The following PPM1D variants were observed in gnomAD, a reference collection of about 807,000 sequenced individuals.
PPM1D encodes the protein protein phosphatase 1D.
Under a neutral mutation model 58.3 loss-of-function variants are expected in PPM1D, and 52 were observed. The ratio of observed to expected loss-of-function variants is 0.89; its 90% CI spans 0.71 to 1.12. PPM1D has a LOEUF of 1.12. Among genes scored for constraint, PPM1D ranks in the 50% most tolerant of loss-of-function variants. The pLI is 0.00. For synonymous variants in PPM1D, 278 were observed against 285.1 expected (o/e 0.98, Z 0.25); for missense variants, 564 against 777.2 (o/e 0.73, Z 3.26).
At chr17:60,642,021 A>G (rs1399208337) in intron 3 of PPM1D, among the ~76,000 whole-genome samples, 1 of 152,244 alleles carries the variant, frequency 6.6e-6, no homozygotes, top group Admixed American at 6.5e-5. Context: ...GGACCTACAG[A>G]AATGATGTTC....
At chr17:60,650,414 G>C (rs574179134) in intron 4 of PPM1D, among the ~76,000 whole-genome samples, 3 of 152,138 alleles carry the variant, frequency 2.0e-5, no homozygotes, top group African/African-American at 7.2e-5. Flanking sequence ...AGCCAGACGT[G>C]GTGACTCGCA....
intron 1 of PPM1D, among the ~76,000 whole-genome samples, chr17:60,620,513 G>A (rs1486816217): frequency 6.6e-6 from 1 of 151,374 alleles, no homozygotes; most frequent in Non-Finnish European, 1.5e-5. Flanking sequence ...TGCTTTTGTT[G>A]CTGTTTTTTT....
intron 1 of PPM1D, among the ~76,000 whole-genome samples, chr17:60,611,043 C>T (rs779137058): frequency 1.3e-5 from 2 of 152,346 alleles, no homozygotes; most frequent in African/African-American, 2.4e-5. Context: ...GACGGAGTCT[C>T]GCTCTGTTGC....
At chr17:60,640,268 T>C (rs1235576495) in intron 3 of PPM1D, among the ~76,000 whole-genome samples, 2 of 152,228 alleles carry the variant, frequency 1.3e-5, no homozygotes, top group South Asian at 4.1e-4. Context: ...ATTATGTCAC[T>C]GTACTCCAGC....
chr17:60,657,179 T>A, intron 5 of PPM1D: 1 of 965,328 alleles, frequency 1.0e-6, no homozygotes, highest in South Asian at 2.1e-5. Flanking sequence ...GCTAATGTTA[T>A]TATTTCATTT....
At chr17:60,653,670 C>G (rs1189313382) in intron 4 of PPM1D, among the ~76,000 whole-genome samples, 1 of 152,170 alleles carries the variant, frequency 6.6e-6, no homozygotes, top group African/African-American at 2.4e-5. Flanking sequence ...TAAGCATGGA[C>G]TACCTTTGTA....
At position 60,600,265 on chromosome 17, in the gene PPM1D, A is replaced by C; in HGVS notation, c.-150A>C. 5 of 1,404,160 alleles carry C rather than the reference A, an allele frequency of 3.6e-6. No homozygotes were observed. The highest frequency in any genetic ancestry group is 1.4e-5 in the South Asian group (1 of 69,238). The allele number at this position is 1,404,160 out of a possible 1,614,324, so 87.0% of individuals were successfully genotyped here. A position where few individuals can be genotyped will look rare whatever the true frequency, so the allele number is the denominator to read the frequency against. On this transcript the variant is annotated 5_prime_UTR_variant, in exon 1 of 6. Coordinates refer to ENST00000305921, the MANE Select transcript of PPM1D (RefSeq NM_003620.4). ...CCAGCTCTCGCGGACAAGTCCAGAC[A>C]TCGCGCGCCCCCCCTTCTCCGGGTC...
Position 60,663,589 on chromosome 17 carries a change from A to T in PPM1D, c.*37A>T. The T allele has an allele frequency of 1.3e-6, 2 of 1,568,346 alleles. No homozygotes were observed. The highest frequency in any genetic ancestry group is 1.7e-6 in the Non-Finnish European group (2 of 1,161,588). Reference sequence around the variant, plus strand: ...GAAATGAGGTTTTTCCAAACTTAGGATATAAGAGGGCTTTTTAAATTTGGT... The same window carrying T: ...GAAATGAGGTTTTTCCAAACTTAGGTTATAAGAGGGCTTTTTAAATTTGGT... On this transcript the variant is annotated 3_prime_UTR_variant, in exon 6 of 6. Transcript: ENST00000305921.
At chr17:60,633,158 G>C (rs1598406536) in intron 2 of PPM1D, among the ~76,000 whole-genome samples, 1 of 151,888 alleles carries the variant, frequency 6.6e-6, no homozygotes, top group Admixed American at 6.6e-5. Flanking sequence ...GGTAGCATAC[G>C]CCTGTAATCC....
Position 60,623,433 on chromosome 17 carries a change from G to A in PPM1D, c.473-88G>A, listed in dbSNP as rs977497182. 31 of 1,254,940 alleles carry A rather than the reference G, an allele frequency of 2.5e-5. No homozygotes were observed. The South Asian group carries it at 5.0e-4, about 20-fold the overall frequency. 77.7% of individuals were successfully genotyped at this position (1,254,940 alleles called of 1,614,324 possible). On this transcript the variant is annotated intron_variant, in intron 1 of 5. Coordinates refer to ENST00000305921, the MANE Select transcript of PPM1D (RefSeq NM_003620.4). The stretch of plus-strand genomic sequence containing the variant: ...CCTGTGCTAATTCGAATGTTAACAT[G>A]CTAATTCAGAGTTTGTTGCCATTTG...
Position 60,633,983 on chromosome 17 carries a change from T to C in PPM1D, c.826+6T>C. 1 of 1,610,814 alleles carries C rather than the reference T, an allele frequency of 6.2e-7. No homozygotes were observed. The highest frequency in any genetic ancestry group is 8.5e-7 in the Non-Finnish European group (1 of 1,178,808). On this transcript the variant is annotated splice_donor_region_variant and intron_variant, in intron 3 of 5. Coordinates refer to ENST00000305921, the MANE Select transcript of PPM1D (RefSeq NM_003620.4). ...GGCAGTAGCAAGAGCACTTGGTAAG[T>C]AGGACTTAATTTGGTGAAATTATAT...
In PPM1D at chr17:60,622,004, A is replaced by G. The variant is rs12941625; in HGVS notation, c.473-1517A>G. Reference sequence around the variant, plus strand: ...AGATCGAGACCATCCTGGCTAACACAGTGAAACCCCGTCTCTACTAAAAAA... The same window carrying G: ...AGATCGAGACCATCCTGGCTAACACGGTGAAACCCCGTCTCTACTAAAAAA... On this transcript the variant is annotated intron_variant, in intron 1 of 5. Coordinates refer to ENST00000305921, the MANE Select transcript of PPM1D (RefSeq NM_003620.4). Among the ~76,000 whole-genome samples the G allele has an allele frequency of 8.1e-4, 123 of 151,100 alleles. No homozygotes were observed. The Middle Eastern group carries it at 0.017, about 21-fold the overall frequency.
At chr17:60,633,517 T>C (rs1205083544) in intron 2 of PPM1D, among the ~76,000 whole-genome samples, 6 of 152,144 alleles carry the variant, frequency 3.9e-5, no homozygotes, top group Non-Finnish European at 7.3e-5. Flanking sequence ...CAAGCAGTTC[T>C]CTCTCCACTT....
In PPM1D at chr17:60,664,293, C is replaced by T. The variant is rs913941737; in HGVS notation, c.*741C>T. On this transcript the variant is annotated 3_prime_UTR_variant, in exon 6 of 6. Coordinates refer to ENST00000305921, the MANE Select transcript of PPM1D (RefSeq NM_003620.4). ...CTTCTTTTTCATCCCAGACCAATGG[C>T]ATTATTAGGTCTTAAAGTAGTTACT... The T allele has an allele frequency of 3.9e-5, 6 of 152,596 alleles. No homozygotes were observed. Among genetic ancestry groups the T allele is most frequent in the Non-Finnish European group, 7.4e-5 (5 of 68,026 alleles). 9.5% of individuals were successfully genotyped at this position (152,596 alleles called of 1,614,324 possible). A position where few individuals can be genotyped will look rare whatever the true frequency, so the allele number is the denominator to read the frequency against.
chr17:60,653,645 A>T (rs549178667), intron 4 of PPM1D, among the ~76,000 whole-genome samples: 27 of 152,344 alleles, frequency 1.8e-4, no homozygotes, highest in African/African-American at 6.0e-4. Flanking sequence ...TAACAATATT[A>T]ATCCATCCAA....
At chr17:60,604,951 T>A (rs1598397966) in intron 1 of PPM1D, among the ~76,000 whole-genome samples, 1 of 152,226 alleles carries the variant, frequency 6.6e-6, no homozygotes, top group Non-Finnish European at 1.5e-5. Flanking sequence ...TCTGAGTAGC[T>A]GGGACTACAG....
rs1039867942 is a variant in PPM1D, at chr17:60,617,299, C to T, written c.473-6222C>T. 3.6e-4 allele frequency among the ~76,000 whole-genome samples: 54 copies of T among 151,568 alleles called. 1 individual carries two copies. The highest frequency in any genetic ancestry group is 2.4e-5 in the African/African-American group (1 of 41,224). On this transcript the variant is annotated intron_variant, in intron 1 of 5. Coordinates refer to ENST00000305921, the MANE Select transcript of PPM1D (RefSeq NM_003620.4). ...ATGTGCTGTAGAACTTCTGAGAGTT[C>T]GCCTCATTTATTCATTCACATTTAT... is the stretch of plus-strand genomic sequence containing the variant.
chr17:60,612,750 T>C (rs1040664776), intron 1 of PPM1D, among the ~76,000 whole-genome samples: 1 of 152,160 alleles, frequency 6.6e-6, no homozygotes, highest in Admixed American at 6.5e-5. Flanking sequence ...CTGTTTTTTT[T>C]TTCAATGACG....
chr17:60,605,308 T>C (rs1439631036), intron 1 of PPM1D, among the ~76,000 whole-genome samples: 1 of 152,224 alleles, frequency 6.6e-6, no homozygotes, highest in African/African-American at 2.4e-5. Context: ...AGAATTATTA[T>C]GAAAATAGTT....
Sources: allele counts gnomAD v4.1 joint callset (sites outside exome capture counted in the v4.1 genomes callset), GRCh38; gene constraint gnomAD v4.1.1; transcripts MANE v1.5; gene names NCBI Gene and HGNC (gene_info 2026-07-23, HGNC 2026-07-21).